PRDM1: variants seen among roughly 807,000 people sequenced by gnomAD.
PRDM1 encodes the protein PR domain zinc finger protein 1.
In PRDM1, 13 loss-of-function variants were observed where a neutral mutation model predicts 62.8. The observed-to-expected ratio is 0.21, with a 90% CI of 0.13 to 0.33. The LOEUF is 0.33. Among genes scored for constraint, PRDM1 ranks in the 10% least tolerant of loss-of-function variants. The pLI, the probability that PRDM1 is intolerant of heterozygous loss-of-function variation, is 1.00. For synonymous variants in PRDM1, 396 were observed against 417.6 expected (o/e 0.95, Z 0.63); for missense variants, 895 against 1,058.8 (o/e 0.85, Z 2.15).
intron 1 of PRDM1, among the ~76,000 whole-genome samples, chr6:105,999,570 C>T (rs1772403663): frequency 6.6e-6 from 1 of 152,104 alleles, no homozygotes; most frequent in Non-Finnish European, 1.5e-5. Context: ...TCCTCTCAGA[C>T]TCAAGTGTCA....
chr6:106,107,477 G>A lies in PRDM1; in HGVS notation c.2469G>A (p.Met823Ile), dbSNP rs780305655. The change falls in exon 7 of 7, where the codon ATG becomes ATA. Residue 823 changes from methionine to isoleucine, a missense_variant. Met to Ile is a conservative substitution (Grantham distance 10, BLOSUM62 1). Coordinates refer to ENST00000369096, the MANE Select transcript of PRDM1 (RefSeq NM_001198.4). ...VKVKQETVEP[M>I]DP ...TCAAACAAGAAACAGTTGAACCAATGGATCCTTAAGATTTTCAGAAAACAC... is the reference window on the plus strand; with the variant it reads ...TCAAACAAGAAACAGTTGAACCAATAGATCCTTAAGATTTTCAGAAAACAC... The A allele has an allele frequency of 2.5e-6, 4 of 1,592,176 alleles. No homozygotes were observed. The East Asian group carries it at 9.0e-5, about 36-fold the overall frequency.
chr6:106,045,735 A>G (rs1773063453), upstream of PRDM1: 1 of 152,212 alleles, frequency 6.6e-6, no homozygotes, highest in Non-Finnish European at 1.5e-5. Context: ...ACAAAATGAT[A>G]CAGAGAGGTA....
At position 106,066,997 on chromosome 6, in the gene PRDM1, TATTA is replaced by T. The variant is rs199540352; in HGVS notation, c.-67+18284_-67+18287del. 6.2e-3 allele frequency among the ~76,000 whole-genome samples: 941 copies of T among 152,340 alleles called. 4 individuals are homozygous for T. The highest frequency in any genetic ancestry group is 8.2e-3 in the Admixed American group (126 of 15,296). On this transcript the variant is annotated intron_variant, in intron 1 of 6. Coordinates refer to the PRDM1 transcript ENST00000651185. ...CACAATCTCCCAGTGAACTTAGTGC[TATTA>T]TTATCTCCATTTTGCTGATGAAGAA...
At chr6:106,038,198 T>A (rs1772948435) in intron 1 of PRDM1, among the ~76,000 whole-genome samples, 1 of 151,844 alleles carries the variant, frequency 6.6e-6, no homozygotes, top group South Asian at 2.1e-4. Flanking sequence ...TTGGCCAGGC[T>A]GGTTTCGAAC....
At chr6:106,029,751 C>T (rs760119672) in intron 1 of PRDM1, among the ~76,000 whole-genome samples, 1 of 152,070 alleles carries the variant, frequency 6.6e-6, no homozygotes, top group African/African-American at 2.4e-5. Context: ...ACACTACAAG[C>T]GTGCACCACC....
chr6:106,083,357 AT>A (rs746123976), upstream of PRDM1, among the ~76,000 whole-genome samples: 6 of 151,718 alleles, frequency 4.0e-5, no homozygotes, highest in Non-Finnish European at 8.8e-5. Context: ...TCTTGGGTAC[AT>A]TTCATCCCTT....
chr6:106,083,738 G>A (rs915295922), upstream of PRDM1, among the ~76,000 whole-genome samples: 1 of 152,176 alleles, frequency 6.6e-6, no homozygotes, highest in African/African-American at 2.4e-5. Flanking sequence ...GATAACTGAG[G>A]TTCTTTTCGG....
upstream of PRDM1, among the ~76,000 whole-genome samples, chr6:106,081,893 C>T (rs1198320603): frequency 3.3e-5 from 5 of 152,178 alleles, no homozygotes; most frequent in African/African-American, 9.7e-5. Context: ...TGTTCCTGCT[C>T]ATCCTCCATA....
At chr6:106,013,933 C>G (rs573641541) in intron 1 of PRDM1, among the ~76,000 whole-genome samples, 100 of 152,254 alleles carry the variant, frequency 6.6e-4, no homozygotes, top group African/African-American at 2.2e-3. Context: ...TTCCTCCTTC[C>G]CAATTCCTTT....
upstream of PRDM1, among the ~76,000 whole-genome samples, chr6:105,992,982 T>C (rs2114535130): frequency 6.6e-6 from 1 of 152,232 alleles, no homozygotes; most frequent in South Asian, 2.1e-4. Context: ...TCCAAAAGGA[T>C]GGTTGGAGGG....
intron 4 of PRDM1, chr6:106,099,813 C>T: frequency 2.1e-6 from 1 of 472,116 alleles, no homozygotes; most frequent in East Asian, 3.9e-5. Context: ...AAATATATGT[C>T]CAATTCTAAT....
chr6:106,023,990 A>G (rs1482749001), intron 1 of PRDM1, among the ~76,000 whole-genome samples: 1 of 152,086 alleles, frequency 6.6e-6, no homozygotes, highest in Non-Finnish European at 1.5e-5. Flanking sequence ...AAAAATTTAC[A>G]AATTAGCCAG....
At chr6:106,078,343 G>A (rs1201380171) in intron 1 of PRDM1, 1 of 152,156 alleles carries the variant, frequency 6.6e-6, no homozygotes, top group Non-Finnish European at 1.5e-5. Context: ...ATGAGACCCA[G>A]TTTAGAATTT....
chr6:106,037,795 A>G (rs1261181520), intron 1 of PRDM1, among the ~76,000 whole-genome samples: 2 of 151,766 alleles, frequency 1.3e-5, no homozygotes, highest in Non-Finnish European at 2.9e-5. Flanking sequence ...CTCTTTGAGC[A>G]TATTTAAGAC....
upstream of PRDM1, among the ~76,000 whole-genome samples, chr6:106,083,410 A>T (rs73772584): frequency 2.4e-4 from 37 of 151,372 alleles, no homozygotes; most frequent in Non-Finnish European, 4.9e-4. Flanking sequence ...GAAAAAAAAA[A>T]TTTTTTTTCC....
chr6:106,082,395 A>G (rs2114610110), upstream of PRDM1, among the ~76,000 whole-genome samples: 1 of 152,338 alleles, frequency 6.6e-6, no homozygotes, highest in Non-Finnish European at 1.5e-5. Context: ...CCCACAAGTC[A>G]TCTGGAAATG....
chr6:106,050,337 T>C (rs1773153422), intron 1 of PRDM1, among the ~76,000 whole-genome samples: 1 of 152,232 alleles, frequency 6.6e-6, no homozygotes, highest in Non-Finnish European at 1.5e-5. Context: ...CTCTACTATA[T>C]TATCTCTAAG....
At chr6:106,026,303 A>G (rs1772766408) in intron 1 of PRDM1, among the ~76,000 whole-genome samples, 1 of 151,688 alleles carries the variant, frequency 6.6e-6, no homozygotes, top group East Asian at 1.9e-4. Flanking sequence ...ACATGGAGAA[A>G]CCCCGTCTCT....
chr6:106,088,135 C>A, intron 1 of PRDM1, 66 bp from the exon 2 acceptor site: 1 of 1,525,452 alleles, frequency 6.6e-7, no homozygotes, highest in South Asian at 1.3e-5. Flanking sequence ...TTAGTCATAG[C>A]CTCTCAGAAG....
Sources: allele counts gnomAD v4.1 joint callset (sites outside exome capture counted in the v4.1 genomes callset), GRCh38; gene constraint gnomAD v4.1.1; transcripts MANE v1.5; gene names NCBI Gene and HGNC (gene_info 2026-07-23, HGNC 2026-07-21).